SV2C: variants seen among roughly 807,000 people sequenced by gnomAD.
The protein encoded by SV2C is solute carrier family 22 member B3.
In SV2C, 49 loss-of-function variants were observed where a neutral mutation model predicts 79.7. The observed-to-expected ratio is 0.61, with a 90% CI of 0.49 to 0.78. The LOEUF (loss-of-function observed/expected upper bound fraction) is 0.78, where lower values mean the gene tolerates loss of function less well. SV2C is among the 30% of genes least tolerant of loss of function. The pLI, the probability that SV2C is intolerant of heterozygous loss-of-function variation, is 0.00. For synonymous variants in SV2C, 334 were observed against 333.2 expected (o/e 1.00, Z -0.03); for missense variants, 833 against 912.9 (o/e 0.91, Z 1.13).
chr5:76,222,858 G>A (rs1227359090), intron 4 of SV2C, among the ~76,000 whole-genome samples: 1 of 151,956 alleles, frequency 6.6e-6, no homozygotes, highest in Non-Finnish European at 1.5e-5. Flanking sequence ...TTTGAATAGA[G>A]ATCCTGTTGC....
chr5:75,865,182 G>A, the SV2C span, among the ~76,000 whole-genome samples: 1 of 152,348 alleles, frequency 6.6e-6, no homozygotes, highest in African/African-American at 2.4e-5. Flanking sequence ...GGAATTGCCT[G>A]TTATAAGCTG....
At chr5:75,940,068 C>T in the SV2C span, among the ~76,000 whole-genome samples, 3 of 152,278 alleles carry the variant, frequency 2.0e-5, no homozygotes, top group East Asian at 3.9e-4. Flanking sequence ...TGTCAGCTTC[C>T]TGAAGAGAGA....
the SV2C span, among the ~76,000 whole-genome samples, chr5:75,995,853 C>A: frequency 1.3e-5 from 2 of 152,086 alleles, no homozygotes; most frequent in East Asian, 3.9e-4. Context: ...CTTCCAAGAA[C>A]CATGCATATC....
At chr5:76,104,871 A>G (rs1251575351) in intron 1 of SV2C, among the ~76,000 whole-genome samples, 1 of 152,160 alleles carries the variant, frequency 6.6e-6, no homozygotes, top group Non-Finnish European at 1.5e-5. Context: ...GTCATGCCTT[A>G]GAAAAACTTC....
chr5:76,034,242 C>T, the SV2C span, among the ~76,000 whole-genome samples: 2 of 151,896 alleles, frequency 1.3e-5, no homozygotes, highest in Non-Finnish European at 2.9e-5. Flanking sequence ...CCCTTTATTT[C>T]CTTCTCCTGC....
At chr5:76,161,516 G>A (rs1440870993) in intron 2 of SV2C, among the ~76,000 whole-genome samples, 1 of 151,954 alleles carries the variant, frequency 6.6e-6, no homozygotes, top group Non-Finnish European at 1.5e-5. Flanking sequence ...TTTTATTTTT[G>A]TAGAGATGGG....
At chr5:76,278,000 A>G (rs1469778170) in intron 4 of SV2C, among the ~76,000 whole-genome samples, 1 of 152,202 alleles carries the variant, frequency 6.6e-6, no homozygotes, top group Non-Finnish European at 1.5e-5. Flanking sequence ...GAACTGTATA[A>G]CTAAAAACAA....
chr5:76,227,935 C>T (rs1233712296), intron 4 of SV2C, among the ~76,000 whole-genome samples: 6 of 152,172 alleles, frequency 3.9e-5, no homozygotes, highest in African/African-American at 7.2e-5. Flanking sequence ...AGCTTACACG[C>T]GGGCCAGCAG....
chr5:76,246,623 ACACACT>A lies in SV2C; in HGVS notation c.913+36760_913+36765del, dbSNP rs202236332. On this transcript the variant is annotated intron_variant, in intron 4 of 12. Coordinates refer to ENST00000502798, the MANE Select transcript of SV2C (RefSeq NM_014979.4). ...CAGCACAAATCCTAAATAGCAACAC[ACACACT>A]CACACTCACACTCACACTCACACAC... 1.6e-3 allele frequency among the ~76,000 whole-genome samples: 241 copies of A among 152,212 alleles called. 1 individual carries two copies. Among genetic ancestry groups the A allele is most frequent in the Middle Eastern group, 0.01 (3 of 294 alleles).
chr5:75,920,919 C>T, the SV2C span: 39 of 736,924 alleles, frequency 5.3e-5, no homozygotes, highest in African/African-American at 1.0e-4. Context: ...GCCCTGGTCT[C>T]GTGGATCCTG....
At chr5:75,899,775 G>C in the SV2C span, among the ~76,000 whole-genome samples, 1 of 152,064 alleles carries the variant, frequency 6.6e-6, no homozygotes, top group Non-Finnish European at 1.5e-5. Flanking sequence ...ATATATTTAG[G>C]ATAGTTAGCT....
chr5:75,958,603 C>A, the SV2C span, among the ~76,000 whole-genome samples: 1 of 151,972 alleles, frequency 6.6e-6, no homozygotes, highest in African/African-American at 2.4e-5. Flanking sequence ...CAACTTGGCC[C>A]TTTGGCTGCA....
At chr5:75,901,433 C>G in the SV2C span, among the ~76,000 whole-genome samples, 1 of 152,280 alleles carries the variant, frequency 6.6e-6, no homozygotes, top group East Asian at 1.9e-4. Flanking sequence ...GCTGTCTGGT[C>G]GTTCCTCTGG....
At chr5:76,193,287 G>A (rs1744163276) in intron 2 of SV2C, among the ~76,000 whole-genome samples, 1 of 152,124 alleles carries the variant, frequency 6.6e-6, no homozygotes, top group Admixed American at 6.6e-5. Flanking sequence ...GGGTCTGAAA[G>A]TCCAAATGCC....
At chr5:76,054,914 G>A in the SV2C span, among the ~76,000 whole-genome samples, 1 of 152,048 alleles carries the variant, frequency 6.6e-6, no homozygotes, top group East Asian at 1.9e-4. Context: ...TGTCAGATGA[G>A]TTGATTGCAA....
intron 1 of SV2C, among the ~76,000 whole-genome samples, chr5:76,114,544 C>G (rs1561221240): frequency 6.6e-6 from 1 of 152,350 alleles, no homozygotes; most frequent in East Asian, 1.9e-4. Context: ...ATGAGGCCGA[C>G]TTGATCAATC....
At chr5:75,954,851 C>CTCT in the SV2C span, among the ~76,000 whole-genome samples, 2 of 142,032 alleles carry the variant, frequency 1.4e-5, no homozygotes, top group South Asian at 4.4e-4. Flanking sequence ...TGTGAAGGAC[C>CTCT]TCTTCAAGGA....
At chr5:75,914,840 T>A in the SV2C span, among the ~76,000 whole-genome samples, 1 of 152,206 alleles carries the variant, frequency 6.6e-6, no homozygotes, top group Non-Finnish European at 1.5e-5. Flanking sequence ...TCTGTTCTCA[T>A]GCTGCTGATA....
chr5:75,916,385 C>G, the SV2C span, among the ~76,000 whole-genome samples: 2 of 142,980 alleles, frequency 1.4e-5, no homozygotes, highest in Non-Finnish European at 3.1e-5. Flanking sequence ...TCCTCCTCCC[C>G]TTCCCCTTCC....
Sources: allele counts gnomAD v4.1 joint callset (sites outside exome capture counted in the v4.1 genomes callset), GRCh38; gene constraint gnomAD v4.1.1; transcripts MANE v1.5; gene names NCBI Gene and HGNC (gene_info 2026-07-23, HGNC 2026-07-21).